LUZP2: variants seen among roughly 807,000 people sequenced by gnomAD.
The protein encoded by LUZP2 is leucine zipper protein 2.
A neutral mutation model predicts 51.6 loss-of-function variants in LUZP2; 52 were observed. The ratio of observed to expected loss-of-function variants is 1.01; its 90% CI spans 0.81 to 1.27. LUZP2 has a LOEUF of 1.27. LUZP2 is among the 50% of genes most tolerant of loss of function. The pLI, the probability that LUZP2 is intolerant of heterozygous loss-of-function variation, is 0.00. For synonymous variants in LUZP2, 154 were observed against 137.3 expected (o/e 1.12, Z -0.85); for missense variants, 436 against 395.4 (o/e 1.10, Z -0.87).
chr11:25,068,325 A>C (rs1224161742), intron 10 of LUZP2, among the ~76,000 whole-genome samples: 1 of 152,048 alleles, frequency 6.6e-6, no homozygotes, highest in Admixed American at 6.6e-5. Flanking sequence ...TAAAAAATAA[A>C]ATAAAAAGGT....
intron 1 of LUZP2, among the ~76,000 whole-genome samples, chr11:24,574,297 C>G: frequency 1.4e-5 from 1 of 72,662 alleles, no homozygotes; most frequent in Non-Finnish European, 2.6e-5. Context: ...TCCTTTCTTT[C>G]TTTCTTTTTC....
chr11:24,891,333 G>C (rs1852846699), intron 5 of LUZP2: 1 of 923,256 alleles, frequency 1.1e-6, no homozygotes, highest in Non-Finnish European at 1.3e-6. Context: ...AACATATGGA[G>C]ATATATACAT....
At chr11:24,639,879 T>C (rs1293104411) in intron 1 of LUZP2, among the ~76,000 whole-genome samples, 2 of 151,924 alleles carry the variant, frequency 1.3e-5, no homozygotes, top group East Asian at 3.9e-4. Flanking sequence ...CTCACTACCC[T>C]GTGTGTCCTT....
At chr11:24,562,863 CA>C (rs35383666) in intron 1 of LUZP2, among the ~76,000 whole-genome samples, 95,246 of 115,474 alleles carry the variant, frequency 0.82, 38,740 homozygotes, top group Non-Finnish European at 0.87. Flanking sequence ...CTCCATCTCT[CA>C]AAAAAAAAAA....
intron 10 of LUZP2, among the ~76,000 whole-genome samples, chr11:25,074,806 A>C (rs938943512): frequency 3.3e-5 from 5 of 152,148 alleles, no homozygotes; most frequent in Non-Finnish European, 2.9e-5. Flanking sequence ...TTTTTTTAGC[A>C]GTCACCTCCT....
intron 5 of LUZP2, among the ~76,000 whole-genome samples, chr11:24,855,881 T>C (rs777540609): frequency 2.6e-5 from 4 of 152,132 alleles, no homozygotes; most frequent in Non-Finnish European, 5.9e-5. Context: ...TTTCAATAAA[T>C]GGTGCTGGGA....
intron 1 of LUZP2, among the ~76,000 whole-genome samples, chr11:24,672,055 C>T (rs1174897601): frequency 6.6e-6 from 1 of 152,040 alleles, no homozygotes; most frequent in Non-Finnish European, 1.5e-5. Context: ...GCATTTGTAA[C>T]TGAGAGATGT....
intron 1 of LUZP2, among the ~76,000 whole-genome samples, chr11:24,626,081 G>A (rs1053292133): frequency 9.2e-5 from 14 of 152,240 alleles, no homozygotes; most frequent in African/African-American, 2.2e-4. Context: ...AGTATAAAGT[G>A]TCAACCTCGG....
intron 10 of LUZP2, among the ~76,000 whole-genome samples, 161 bp downstream of exon 10, chr11:25,050,291 CTTTT>C (rs71044331): frequency 6.3e-3 from 489 of 77,056 alleles, no homozygotes; most frequent in African/African-American, 0.024. Context: ...TCTTTATGTT[CTTTT>C]TTTTTTTTTT....
intron 10 of LUZP2, among the ~76,000 whole-genome samples, chr11:25,064,669 G>A (rs1203378639): frequency 6.6e-6 from 1 of 151,960 alleles, no homozygotes; most frequent in Non-Finnish European, 1.5e-5. Flanking sequence ...GATTGTGGCT[G>A]TTTTGGCTTA....
intron 5 of LUZP2, among the ~76,000 whole-genome samples, chr11:24,854,726 C>T (rs1196516323): frequency 6.6e-6 from 1 of 151,764 alleles, no homozygotes; most frequent in Non-Finnish European, 1.5e-5. Context: ...ACAACTGCCC[C>T]ATTTTGTGCT....
intron 5 of LUZP2, among the ~76,000 whole-genome samples, chr11:24,833,161 A>T (rs2134182856): frequency 6.6e-6 from 1 of 152,360 alleles, no homozygotes; most frequent in Non-Finnish European, 1.5e-5. Flanking sequence ...ACTCTGAAAC[A>T]AATTATAGTT....
intron 1 of LUZP2, among the ~76,000 whole-genome samples, chr11:24,705,442 T>G (rs1452372282): frequency 1.3e-5 from 2 of 152,194 alleles, no homozygotes; most frequent in Non-Finnish European, 1.5e-5. Context: ...GAACAGTATA[T>G]AGTGTTCTAA....
intron 9 of LUZP2, among the ~76,000 whole-genome samples, chr11:24,984,643 G>A (rs962130224): frequency 6.7e-6 from 1 of 148,644 alleles, no homozygotes; most frequent in Non-Finnish European, 1.5e-5. Context: ...TAATATATCA[G>A]TACCCCCACC....
chr11:24,520,735 T>C (rs1264816684), intron 1 of LUZP2, among the ~76,000 whole-genome samples: 1 of 152,196 alleles, frequency 6.6e-6, no homozygotes. Context: ...TACATTTAGA[T>C]AGATAATTGC....
chr11:24,585,683 T>C (rs1853039276), intron 1 of LUZP2, among the ~76,000 whole-genome samples: 1 of 152,122 alleles, frequency 6.6e-6, no homozygotes, highest in African/African-American at 2.4e-5. Flanking sequence ...AGAAAAAACA[T>C]TTCTTAAGAG....
At chr11:25,057,274 G>T (rs1379094219) in intron 10 of LUZP2, among the ~76,000 whole-genome samples, 1 of 152,164 alleles carries the variant, frequency 6.6e-6, no homozygotes, top group Non-Finnish European at 1.5e-5. Context: ...CTTATTTTTA[G>T]ATATCTTTGT....
intron 5 of LUZP2, among the ~76,000 whole-genome samples, chr11:24,895,792 G>C (rs750975943): frequency 6.6e-6 from 1 of 152,176 alleles, no homozygotes; most frequent in Non-Finnish European, 1.5e-5. Flanking sequence ...GTGGGGCAAT[G>C]AACATGTGAG....
chr11:24,535,628 CTAATTT>C lies in LUZP2; in HGVS notation c.62+38326_62+38331del, dbSNP rs556532665. On this transcript the variant is annotated intron_variant, in intron 1 of 11. Coordinates refer to ENST00000336930, the MANE Select transcript of LUZP2 (RefSeq NM_001009909.4). Reference sequence around the variant, plus strand: ...TCAGTTGCATCTTTAGATTCCACTTCTAATTTTATTTTTCTTGCAATCTCCACCACC... The same window carrying C: ...TCAGTTGCATCTTTAGATTCCACTTCTATTTTTCTTGCAATCTCCACCACC... 4.7e-4 allele frequency among the ~76,000 whole-genome samples: 72 copies of C among 151,636 alleles called. No individual in the cohort carries two copies. The Middle Eastern group carries it at 0.017, about 36-fold the overall frequency.
Sources: gnomAD v4.1 joint callset for allele counts (sites outside exome capture counted in the v4.1 genomes callset) on GRCh38, gnomAD v4.1.1 for gene constraint, MANE v1.5 for transcripts, NCBI Gene and HGNC (gene_info 2026-07-23, HGNC 2026-07-21) for gene names.